Variants in NUBP1 observed in about 807,000 individuals in gnomAD.
NUBP1 encodes NUBP iron-sulfur cluster assembly factor 1, cytosolic.
NUBP1 carries 46 observed loss-of-function variants against 41.8 expected under a neutral mutation model. The observed-to-expected ratio is 1.10, with a 90% CI of 0.87 to 1.41. The LOEUF is 1.41. Ranked by LOEUF, NUBP1 falls within the 40% of genes most tolerant of loss-of-function variation. The pLI is 0.00. For synonymous variants in NUBP1, 189 were observed against 154.6 expected (o/e 1.22, Z -1.65); for missense variants, 494 against 414.0 (o/e 1.19, Z -1.68).
chr16:10,756,595 T>TA (rs1900573102), intron 5 of NUBP1, 95 bp from the exon 6 acceptor site: 7 of 855,450 alleles, frequency 8.2e-6, no homozygotes, highest in Non-Finnish European at 1.2e-5. Flanking sequence ...GAAAATGTTT[T>TA]TTTCAGTCAG....
At chr16:10,761,933 G>C (rs1034399271) in intron 9 of NUBP1, 74 bp downstream of exon 9, 1 of 1,185,972 alleles carries the variant, frequency 8.4e-7, no homozygotes, top group Non-Finnish European at 1.2e-6. Flanking sequence ...CACAACAGGG[G>C]GCGGCTACAG....
intron 9 of NUBP1, among the ~76,000 whole-genome samples, chr16:10,762,566 C>T (rs897224614): frequency 5.9e-5 from 9 of 152,244 alleles, no homozygotes; most frequent in Admixed American, 4.6e-4. Flanking sequence ...GGCGGGCCTC[C>T]GTTACTGGGG....
chr16:10,761,594 A>C, intron 8 of NUBP1, 120 bp downstream of exon 8: 2 of 1,028,424 alleles, frequency 1.9e-6, no homozygotes, highest in Non-Finnish European at 2.9e-6. Context: ...GTGGAATCAC[A>C]ATTAAAATCC....
chr16:10,760,004 G>A (rs1900833336), intron 7 of NUBP1, among the ~76,000 whole-genome samples: 1 of 152,192 alleles, frequency 6.6e-6, no homozygotes, highest in Non-Finnish European at 1.5e-5. Flanking sequence ...TGGGTACAGG[G>A]ATCTGTGATA....
rs796432938 is a variant in NUBP1, at chr16:10,765,452, G to A, written c.821-2497G>A. Among the ~76,000 whole-genome samples the A allele has an allele frequency of 6.6e-6, 1 of 151,924 alleles. No individual in the cohort carries two copies. The highest frequency in any genetic ancestry group is 2.4e-5 in the African/African-American group (1 of 41,358). ...AGCCCAGGGAGGTTGAGGTTGCAGT[G>A]AGCCATGATCACACCACTGCACTCC... On this transcript the variant is annotated intron_variant, in intron 9 of 10. Coordinates refer to ENST00000283027, the MANE Select transcript of NUBP1 (RefSeq NM_002484.4). The surrounding 1 kb of genome is among the most constrained non-coding windows in gnomAD (Gnocchi z 4.0).
chr16:10,761,172 GA>G (rs1333609231), intron 7 of NUBP1, 191 bp from the exon 8 acceptor site: 1 of 512,534 alleles, frequency 2.0e-6, no homozygotes, highest in Non-Finnish European at 3.5e-6. Flanking sequence ...TTCCTGTAGG[GA>G]TGTAGGGATG....
chr16:10,767,681 A>G lies in NUBP1; in HGVS notation c.821-268A>G. ...ATGCAGACTCCTGGGCCCATGTGGA[A>G]GCTGCTGAATCAGTTCTCTGTAGGG... On this transcript the variant is annotated intron_variant, in intron 9 of 10. Transcript: ENST00000283027. This position sits in a 1 kb window ranked among gnomAD's most constrained non-coding sequence, Gnocchi z 4.6. 2.0e-6 allele frequency: 1 copy of G among 509,104 alleles called. No homozygotes were observed. The highest frequency in any genetic ancestry group is 3.5e-6 in the Non-Finnish European group (1 of 287,114). The allele number at this position is 509,104 out of a possible 1,614,324, so 31.5% of individuals were successfully genotyped here.
chr16:10,757,931 G>A lies in NUBP1; in HGVS notation c.510G>A (p.Val170=). The A allele has an allele frequency of 6.2e-7, 1 of 1,614,058 alleles. No individual in the cohort carries two copies. The highest frequency in any genetic ancestry group is 8.5e-7 in the Non-Finnish European group (1 of 1,179,992). The change falls in exon 7 of 11, where the codon GTG becomes GTA. Residue 170 remains valine (V), a synonymous_variant. Transcript: ENST00000283027. This position sits in a 1 kb window ranked among gnomAD's most constrained non-coding sequence, Gnocchi z 4.1. ...GGGGAGAGGTCGACTACCTCATTGT[G>A]GACACCCCACCTGGGACGTCGGATG... is the stretch of plus-strand genomic sequence containing the variant. ...VDWGEVDYLI[V]DTPPGTSDEH... is the part of the protein sequence containing the mutation.
chr16:10,746,277 G>T (rs1596448675), intron 2 of NUBP1, among the ~76,000 whole-genome samples: 1 of 152,344 alleles, frequency 6.6e-6, no homozygotes, highest in East Asian at 1.9e-4. Context: ...TTCATTGGCA[G>T]ATACTTAGTA....
Position 10,749,580 on chromosome 16 carries a change from G to A in NUBP1, c.258+2304G>A, listed in dbSNP as rs965364366. ...TAGGAAAGTGTGTTTTCCCCAGGCA[G>A]ACCTACTCATGACAGTGACATCACT... On this transcript the variant is annotated intron_variant, in intron 3 of 10. Transcript: ENST00000283027. This position sits in a 1 kb window ranked among gnomAD's most constrained non-coding sequence, Gnocchi z 4.1. 6.6e-6 allele frequency among the ~76,000 whole-genome samples: 1 copy of A among 152,106 alleles called. No homozygotes were observed. The highest frequency in any genetic ancestry group is 6.5e-5 in the Admixed American group (1 of 15,278).
At position 10,767,521 on chromosome 16, in the gene NUBP1, A is replaced by G; in HGVS notation, c.821-428A>G. 1 of 438,008 alleles carries G rather than the reference A, an allele frequency of 2.3e-6. No individual in the cohort carries two copies. Among genetic ancestry groups the G allele is most frequent in the African/African-American group, 2.0e-5 (1 of 49,656 alleles). The allele number at this position is 438,008 out of a possible 1,614,324, so 27.1% of individuals were successfully genotyped here. ...AAGTGTGCACATTTATATGCGCATA[A>G]TCTTTCTGGAAAGACACCTAGAACA... On this transcript the variant is annotated intron_variant, in intron 9 of 10. Coordinates refer to ENST00000283027, the MANE Select transcript of NUBP1 (RefSeq NM_002484.4). This position sits in a 1 kb window ranked among gnomAD's most constrained non-coding sequence, Gnocchi z 4.6.
In NUBP1 at chr16:10,769,189, G is replaced by T; in HGVS notation, c.*84G>T. On this transcript the variant is annotated 3_prime_UTR_variant, in exon 11 of 11. Transcript: ENST00000283027. ...TCCAGCCAGACCCGACCAGCTCCGG[G>T]ATGGGGTGGGTCACAGCAAAAGGAC... The T allele has an allele frequency of 3.1e-6, 4 of 1,271,580 alleles. No individual in the cohort carries two copies. The highest frequency in any genetic ancestry group is 2.4e-5 in the South Asian group (2 of 81,716). 78.8% of individuals were successfully genotyped at this position (1,271,580 alleles called of 1,614,324 possible).
rs1334450060 is a variant in NUBP1, at chr16:10,749,120, GACACATACACACACACACACAC to G, written c.258+1850_258+1871del. Among the ~76,000 whole-genome samples the G allele has an allele frequency of 1.6e-3, 150 of 92,376 alleles. 1 individual carries two copies. Among genetic ancestry groups the G allele is most frequent in the African/African-American group, 5.3e-3 (138 of 25,808 alleles). 60.6% of individuals were successfully genotyped at this position (92,376 alleles called of 152,430 possible). The stretch of plus-strand genomic sequence containing the variant: ...AAAAAAGGATATAGATAGATACACA[GACACATACACACACACACACAC>G]ACACACACACACACACACACACACA... On this transcript the variant is annotated intron_variant, in intron 3 of 10. Coordinates refer to ENST00000283027, the MANE Select transcript of NUBP1 (RefSeq NM_002484.4). The surrounding 1 kb of genome is among the most constrained non-coding windows in gnomAD (Gnocchi z 4.1).
chr16:10,762,818 G>A (rs1596468924), intron 9 of NUBP1, among the ~76,000 whole-genome samples: 1 of 152,076 alleles, frequency 6.6e-6, no homozygotes, highest in African/African-American at 2.4e-5. Context: ...CGCGTGCTTG[G>A]GGAGAGGGCG....
chr16:10,754,545 G>A (rs1181200927), intron 4 of NUBP1, among the ~76,000 whole-genome samples: 2 of 151,966 alleles, frequency 1.3e-5, no homozygotes, highest in Admixed American at 1.3e-4. Flanking sequence ...GCCTGGCTGG[G>A]TGTCTTTTAA....
Position 10,765,936 on chromosome 16 carries a change from G to A in NUBP1, c.821-2013G>A, listed in dbSNP as rs565519423. 6.6e-6 allele frequency: 1 copy of A among 152,422 alleles called. No individual in the cohort carries two copies. Among genetic ancestry groups the A allele is most frequent in the South Asian group, 2.1e-4 (1 of 4,824 alleles). The allele number at this position is 152,422 out of a possible 1,614,324, so 9.4% of individuals were successfully genotyped here. ...GGCCAGGGAGTGCCAGAAAGGAAGG[G>A]GTGGTTAACACTGTCACCCACCCAA... On this transcript the variant is annotated intron_variant, in intron 9 of 10. Coordinates refer to ENST00000283027, the MANE Select transcript of NUBP1 (RefSeq NM_002484.4). This position sits in a 1 kb window ranked among gnomAD's most constrained non-coding sequence, Gnocchi z 4.0.
Position 10,767,599 on chromosome 16 carries a change from T to C in NUBP1, c.821-350T>C, listed in dbSNP as rs969395097. On this transcript the variant is annotated intron_variant, in intron 9 of 10. Coordinates refer to ENST00000283027, the MANE Select transcript of NUBP1 (RefSeq NM_002484.4). The surrounding 1 kb of genome is among the most constrained non-coding windows in gnomAD (Gnocchi z 4.6). ...TTATGCCATATCCTTTTGCATTCTG[T>C]ACTTTTTTTAACCATGTGCATTCAT... 6 of 456,018 alleles carry C rather than the reference T, an allele frequency of 1.3e-5. No homozygotes were observed. The highest frequency in any genetic ancestry group is 2.3e-5 in the Non-Finnish European group (6 of 260,030). 28.2% of individuals were successfully genotyped at this position (456,018 alleles called of 1,614,324 possible).
chr16:10,761,726 A>G (rs372881425), intron 8 of NUBP1, 31 bp from the exon 9 acceptor site: 2 of 1,553,556 alleles, frequency 1.3e-6, no homozygotes, highest in Non-Finnish European at 1.8e-6. Context: ...CAAAAAAATT[A>G]TGTTTCCTCC....
At position 10,743,887 on chromosome 16, in the gene NUBP1, G is replaced by A. The variant is rs764197600; in HGVS notation, c.19+5G>A. 9 of 1,569,164 alleles carry A rather than the reference G, an allele frequency of 5.7e-6. No homozygotes were observed. The African/African-American group carries it at 8.1e-5, about 14-fold the overall frequency. On this transcript the variant is annotated splice_donor_5th_base_variant and intron_variant, in intron 1 of 10. Coordinates refer to ENST00000283027, the MANE Select transcript of NUBP1 (RefSeq NM_002484.4). ...GAATGGAGGAGGTGCCTCACGGTAA[G>A]CTCGCGGAGGGGGCGTGGGTCGCGG... is the stretch of plus-strand genomic sequence containing the variant.
Sources: allele counts gnomAD v4.1 joint callset (sites outside exome capture counted in the v4.1 genomes callset), GRCh38; gene constraint gnomAD v4.1.1; non-coding constraint Gnocchi (gnomAD v3.1); transcripts MANE v1.5; gene names NCBI Gene and HGNC (gene_info 2026-07-23, HGNC 2026-07-21).